Variants in ACYP2 observed in about 807,000 individuals in gnomAD.
ACYP2 encodes the protein acylphosphatase-2.
ACYP2 carries 12 observed loss-of-function variants against 11.2 expected under a neutral mutation model. That is an observed-to-expected ratio of 1.08 (90% CI 0.69 to 1.74). ACYP2 has a LOEUF of 1.74. ACYP2 is among the 40% of genes most tolerant of loss of function. The pLI, the probability that ACYP2 is intolerant of heterozygous loss-of-function variation, is 0.00. For synonymous variants in ACYP2, 43 were observed against 32.2 expected, an observed-to-expected ratio of 1.33 and a Z score of -1.13; for missense variants, 134 against 101.9, an observed-to-expected ratio of 1.31 and a Z score of -1.35.
At chr2:54,036,919 T>TGAGG (rs1258129172) in intron 2 of ACYP2, among the ~76,000 whole-genome samples, 2 of 152,152 alleles carry the variant, frequency 1.3e-5, no homozygotes, top group African/African-American at 4.8e-5. Flanking sequence ...GATGATGCCT[T>TGAGG]GACTGCTTCA....
intron 4 of ACYP2, among the ~76,000 whole-genome samples, chr2:54,058,339 C>T (rs554106661): frequency 6.6e-6 from 1 of 151,064 alleles, no homozygotes; most frequent in Non-Finnish European, 1.5e-5. Flanking sequence ...CCTTCTCCCT[C>T]CCCTCAGCTG....
At position 54,219,898 on chromosome 2, in the gene ACYP2, TA is replaced by T. The variant is rs1215301957; in HGVS notation, c.404+81151del. Among the ~76,000 whole-genome samples the T allele has an allele frequency of 1.9e-3, 222 of 116,444 alleles. 3 individuals carry two copies. Among genetic ancestry groups the T allele is most frequent in the African/African-American group, 7.1e-3 (214 of 29,998 alleles). The allele number at this position is 116,444 out of a possible 152,430, so 76.4% of individuals were successfully genotyped here. ...GTGTGTGTGTATATATATATATATA[TA>T]TATATATTTTTTTTTTTTTTTTAGT... is the stretch of plus-strand genomic sequence containing the variant. On this transcript the variant is annotated intron_variant, in intron 6 of 6. Transcript: ENST00000607452.
chr2:54,250,812 T>A (rs568046800), intron 6 of ACYP2, among the ~76,000 whole-genome samples: 9 of 152,372 alleles, frequency 5.9e-5, no homozygotes, highest in South Asian at 2.1e-4. Flanking sequence ...TTCATTATAA[T>A]TCTATAGAAG....
At chr2:54,116,502 G>GTT (rs57486234) in intron 4 of ACYP2, among the ~76,000 whole-genome samples, 12,892 of 129,152 alleles carry the variant, frequency 0.1, 789 homozygotes, top group Non-Finnish European at 0.14. Flanking sequence ...TTGCTTGAGG[G>GTT]TTTTTTTTTT....
intron 6 of ACYP2, among the ~76,000 whole-genome samples, chr2:54,238,612 T>C (rs574291008): frequency 1.3e-5 from 2 of 152,272 alleles, no homozygotes; most frequent in South Asian, 2.1e-4. Context: ...TTTGAAGATA[T>C]AGCTTTCATT....
chr2:53,989,781 C>G (rs1672198699), intron 2 of ACYP2, among the ~76,000 whole-genome samples: 1 of 152,050 alleles, frequency 6.6e-6, no homozygotes, highest in African/African-American at 2.4e-5. Flanking sequence ...GGCATTGAGG[C>G]TGTGTTTATT....
chr2:54,147,054 C>T (rs971448551), intron 6 of ACYP2, among the ~76,000 whole-genome samples: 1 of 152,080 alleles, frequency 6.6e-6, no homozygotes, highest in Admixed American at 6.5e-5. Flanking sequence ...CCTCAGCCTC[C>T]CAAAGTGCTG....
At chr2:54,174,611 A>G (rs1030585512) in intron 6 of ACYP2, among the ~76,000 whole-genome samples, 1 of 152,126 alleles carries the variant, frequency 6.6e-6, no homozygotes, top group African/African-American at 2.4e-5. Context: ...CTGGTTTTCA[A>G]AGGGAATGCT....
chr2:54,171,498 G>A (rs1484551614), intron 6 of ACYP2, among the ~76,000 whole-genome samples: 1 of 152,088 alleles, frequency 6.6e-6, no homozygotes. Flanking sequence ...ATCTTGTGTC[G>A]TTTGTGGTTG....
intron 4 of ACYP2, among the ~76,000 whole-genome samples, chr2:54,083,693 C>G (rs1462397180): frequency 6.6e-6 from 1 of 152,172 alleles, no homozygotes; most frequent in East Asian, 1.9e-4. Context: ...CTGATAATTA[C>G]TGTTCCCCCA....
intron 4 of ACYP2, among the ~76,000 whole-genome samples, chr2:54,072,965 TC>T (rs2103651376): frequency 1.3e-5 from 2 of 152,256 alleles, no homozygotes; most frequent in South Asian, 4.2e-4. Context: ...GTAGAAAGAC[TC>T]ACACTTCCTA....
intron 6 of ACYP2, among the ~76,000 whole-genome samples, chr2:54,294,079 G>C (rs1294636317): frequency 6.6e-6 from 1 of 151,994 alleles, no homozygotes; most frequent in Non-Finnish European, 1.5e-5. Context: ...TCTTGCTATG[G>C]TCTTCATTTT....
intron 6 of ACYP2, among the ~76,000 whole-genome samples, chr2:54,279,638 G>A (rs149850469): frequency 6.6e-5 from 10 of 151,792 alleles, no homozygotes; most frequent in East Asian, 3.9e-4. Flanking sequence ...GCATTTTCAC[G>A]TCTCTGGAAG....
At chr2:54,003,426 A>C (rs534753470) in intron 2 of ACYP2, among the ~76,000 whole-genome samples, 1 of 151,938 alleles carries the variant, frequency 6.6e-6, no homozygotes, top group Non-Finnish European at 1.5e-5. Flanking sequence ...CATCCGGCTA[A>C]TTTTTGTATT....
chr2:54,282,235 T>C (rs1462411380), intron 6 of ACYP2, among the ~76,000 whole-genome samples: 1 of 152,254 alleles, frequency 6.6e-6, no homozygotes, highest in African/African-American at 2.4e-5. Flanking sequence ...TACACTCCTG[T>C]ATCTGTTAGG....
At chr2:54,202,140 C>G (rs556945906) in intron 6 of ACYP2, among the ~76,000 whole-genome samples, 46 of 151,876 alleles carry the variant, frequency 3.0e-4, no homozygotes, top group African/African-American at 1.1e-3. Context: ...TCCAGTTGTT[C>G]CAGTCACCCA....
intron 6 of ACYP2, among the ~76,000 whole-genome samples, chr2:54,164,300 A>G (rs1441885396): frequency 6.6e-6 from 1 of 152,216 alleles, no homozygotes; most frequent in African/African-American, 2.4e-5. Flanking sequence ...TCTAGGAGCC[A>G]GATAGGTGAG....
intron 2 of ACYP2, among the ~76,000 whole-genome samples, chr2:53,998,693 G>A (rs115420926): frequency 0.036 from 5,405 of 152,176 alleles, 132 homozygotes; most frequent in Non-Finnish European, 0.055. Flanking sequence ...GCCTCCACCT[G>A]TATTCCCAGC....
At chr2:54,290,201 C>A (rs968066488) in intron 6 of ACYP2, among the ~76,000 whole-genome samples, 2 of 152,094 alleles carry the variant, frequency 1.3e-5, no homozygotes, top group African/African-American at 4.8e-5. Context: ...ATCAATGGCA[C>A]CTGAAGCTTC....
Sources: gnomAD v4.1 joint callset for allele counts (sites outside exome capture counted in the v4.1 genomes callset) on GRCh38, gnomAD v4.1.1 for gene constraint, MANE v1.5 for transcripts, NCBI Gene and HGNC (gene_info 2026-07-23, HGNC 2026-07-21) for gene names.